Variants in LAMP2 observed in about 807,000 individuals in gnomAD.
LAMP2 encodes lysosome associated membrane protein 2.
In LAMP2, 4 loss-of-function variants were observed where a neutral mutation model predicts 25.6. The observed-to-expected ratio is 0.16, with a 90% CI of 0.08 to 0.36. The LOEUF (loss-of-function observed/expected upper bound fraction) is 0.36, where lower values mean the gene tolerates loss of function less well. Ranked by LOEUF, LAMP2 falls within the 10% of genes least tolerant of loss-of-function variation. The pLI is 1.00. For synonymous variants in LAMP2, 108 were observed against 112.7 expected (o/e 0.96, Z 0.27); for missense variants, 272 against 301.4 (o/e 0.90, Z 0.72).
intron 8 of LAMP2, chrX:120,438,731 C>CACAACA (rs576233822): frequency 1.7e-6 from 1 of 579,464 alleles, no homozygotes; most frequent in Non-Finnish European, 2.1e-6. Context: ...CACACACACA[C>CACAACA]AAAAAGAGCA....
Position 120,430,132 on chromosome X carries a change from T to A in LAMP2, c.*1191A>T, listed in dbSNP as rs1004327482. On this transcript the variant is annotated 3_prime_UTR_variant, in exon 9 of 9. Transcript: ENST00000200639. ...TAGAGACTCTGATCATGCCCCTATA[T>A]ACATACAATGGGTTAATAATACTTC... is the stretch of plus-strand genomic sequence containing the variant. 2.5e-5 allele frequency: 19 copies of A among 750,644 alleles called. No homozygotes were observed. Among genetic ancestry groups the A allele is most frequent in the Middle Eastern group, 7.6e-4 (1 of 1,319 alleles). The allele number at this position is 750,644 out of a possible 1,213,427, so 61.9% of individuals were successfully genotyped here. A position where few individuals can be genotyped will look rare whatever the true frequency, so the allele number is the denominator to read the frequency against.
Position 120,442,635 on chromosome X carries a change from C to T in LAMP2, c.892G>A (p.Glu298Lys). Residue 298 changes from glutamate (E) to lysine (K), a missense_variant, in exon 7 of 9, where the codon GAA becomes AAA. Transcript: ENST00000200639. ...ACCAAATACATGCTGATGTTCACTT[C>T]CTTCAGATAAAATCGGTTTTCATTT... ...VKNENRFYLKEVNISMYLVNG... is the reference protein window; with the variant it reads ...VKNENRFYLKKVNISMYLVNG... 8.3e-7 allele frequency: 1 copy of T among 1,209,815 alleles called. No individual in the cohort carries two copies. Among genetic ancestry groups the T allele is most frequent in the Non-Finnish European group, 1.1e-6 (1 of 893,762 alleles).
At chrX:120,446,505 A>C in intron 5 of LAMP2, 78 bp from the exon 6 acceptor site, 1 of 1,027,412 alleles carries the variant, frequency 9.7e-7, no homozygotes. Flanking sequence ...CTACCAAACA[A>C]AATCAACTTC....
At chrX:120,461,037 T>C (rs897192394) in intron 1 of LAMP2, among the ~76,000 whole-genome samples, 1 of 112,678 alleles carries the variant, frequency 8.9e-6, no homozygotes, top group South Asian at 3.6e-4. Flanking sequence ...TGTGATTCTA[T>C]TACAAACACT....
At chrX:120,444,037 A>G (rs1006616999) in intron 6 of LAMP2, among the ~76,000 whole-genome samples, 2 of 110,703 alleles carry the variant, frequency 1.8e-5, no homozygotes, top group African/African-American at 6.6e-5. Flanking sequence ...GGAAGGAAAG[A>G]AAAGAAAAGA....
rs2058504976 is a variant in LAMP2 at position 120,427,872 on chromosome X, G to A, written c.*3451C>T. 8.9e-6 allele frequency: 1 copy of A among 111,770 alleles called. No individual in the cohort carries two copies. Among genetic ancestry groups the A allele is most frequent in the South Asian group, 3.6e-4 (1 of 2,742 alleles). 9.2% of individuals were successfully genotyped at this position (111,770 alleles called of 1,213,427 possible). ...CTCTAGAACAACAACAACAAAAAAA[G>A]AAATCTCCTTGTTAAAATATAGTAG... On this transcript the variant is annotated 3_prime_UTR_variant, in exon 9 of 9. Transcript: ENST00000200639.
At chrX:120,452,937 C>G (rs2058628831) in intron 3 of LAMP2, among the ~76,000 whole-genome samples, 1 of 110,353 alleles carries the variant, frequency 9.1e-6, no homozygotes, top group African/African-American at 3.3e-5. Context: ...TGTACTTTTT[C>G]TTTTTTGAGA....
intron 6 of LAMP2, among the ~76,000 whole-genome samples, chrX:120,442,863 T>C (rs371361674): frequency 4.1e-4 from 46 of 112,020 alleles, no homozygotes; most frequent in African/African-American, 1.5e-3. Context: ...TTTCCAACTT[T>C]TGGAGCACAG....
Position 120,446,162 on chromosome X carries a change from G to T in LAMP2, c.864+143C>A, listed in dbSNP as rs760559350. On this transcript the variant is annotated intron_variant, in intron 6 of 8. Transcript: ENST00000200639. ...TTGCACAGACTCTGAGGGATGAACA[G>T]GGATGAATGGACTACACTTTATAAT... 1.3e-4 allele frequency: 72 copies of T among 562,099 alleles called. 1 individual carries two copies. The South Asian group carries it at 1.6e-3, about 13-fold the overall frequency. 46.3% of individuals were successfully genotyped at this position (562,099 alleles called of 1,213,427 possible).
chrX:120,462,778 G>A (rs1328421283), intron 1 of LAMP2, among the ~76,000 whole-genome samples: 1 of 111,840 alleles, frequency 8.9e-6, no homozygotes, highest in African/African-American at 3.3e-5. Flanking sequence ...TTCCTGGAGT[G>A]GAAGAGCTAG....
intron 1 of LAMP2, among the ~76,000 whole-genome samples, chrX:120,462,582 T>C (rs1341554556): frequency 9.2e-6 from 1 of 108,654 alleles, no homozygotes; most frequent in East Asian, 2.9e-4. Flanking sequence ...TGTATGACAC[T>C]GCAAAAAGTG....
intron 1 of LAMP2, among the ~76,000 whole-genome samples, chrX:120,461,486 TA>T (rs761270946): frequency 9.0e-6 from 1 of 111,532 alleles, no homozygotes; most frequent in African/African-American, 3.3e-5. Context: ...TTGTTACTAA[TA>T]AAAAAAGTAC....
intron 3 of LAMP2, 39 bp downstream of exon 3, chrX:120,455,318 A>C: frequency 1.9e-6 from 2 of 1,036,413 alleles, no homozygotes; most frequent in East Asian, 6.0e-5. Flanking sequence ...CATTAATAAA[A>C]AGCAAGAGAA....
intron 1 of LAMP2, among the ~76,000 whole-genome samples, chrX:120,466,217 G>A (rs1274065556): frequency 1.8e-5 from 2 of 111,820 alleles, no homozygotes; most frequent in Non-Finnish European, 3.8e-5. Flanking sequence ...ATTTTCTGCA[G>A]TGAGTAAGCA....
chrX:120,459,276 C>T (rs1448697302), intron 1 of LAMP2, among the ~76,000 whole-genome samples: 1 of 112,156 alleles, frequency 8.9e-6, no homozygotes, highest in Non-Finnish European at 1.9e-5. Flanking sequence ...CACCCCTTGT[C>T]CCCTTGTTAC....
rs960132878 is a variant in LAMP2 at position 120,427,380 on chromosome X, T to C, written c.*3943A>G. Among the ~76,000 whole-genome samples the C allele has an allele frequency of 9.0e-6, 1 of 110,739 alleles. No homozygotes were observed. The highest frequency in any genetic ancestry group is 3.3e-5 in the African/African-American group (1 of 30,426). ...ATCAAGCAGACACAGGGATGAGTGG[T>C]CTCCAGTACCTTACTCCAGAAGCCG... On this transcript the variant is annotated 3_prime_UTR_variant, in exon 9 of 9. Transcript: ENST00000200639.
chrX:120,462,898 C>A (rs772065214), intron 1 of LAMP2, among the ~76,000 whole-genome samples: 12 of 111,705 alleles, frequency 1.1e-4, no homozygotes, highest in Admixed American at 2.9e-4. Flanking sequence ...GCATATAAAC[C>A]CTTCAGAGCT....
intron 3 of LAMP2, among the ~76,000 whole-genome samples, chrX:120,450,869 T>C (rs1218717910): frequency 9.3e-6 from 1 of 107,098 alleles, no homozygotes; most frequent in Non-Finnish European, 1.9e-5. Context: ...ATAATCTTTA[T>C]ATATATATAT....
chrX:120,468,084 C>T (rs190264596), intron 1 of LAMP2, among the ~76,000 whole-genome samples: 6 of 111,851 alleles, frequency 5.4e-5, no homozygotes, highest in African/African-American at 2.0e-4. Context: ...TTCTTAGGCC[C>T]TGGTAACAAC....
Sources: gnomAD v4.1 joint callset for allele counts (sites outside exome capture counted in the v4.1 genomes callset) on GRCh38, gnomAD v4.1.1 for gene constraint, MANE v1.5 for transcripts, NCBI Gene and HGNC (gene_info 2026-07-23, HGNC 2026-07-21) for gene names.